The following NUP155 variants were observed in gnomAD, a reference collection of about 807,000 sequenced individuals.
The protein encoded by NUP155 is nuclear pore complex protein Nup155.
NUP155 carries 71 observed loss-of-function variants against 180.4 expected under a neutral mutation model. The ratio of observed to expected loss-of-function variants is 0.39; its 90% CI spans 0.33 to 0.48. The LOEUF (loss-of-function observed/expected upper bound fraction) is 0.48. Among genes scored for constraint, NUP155 ranks in the 20% least tolerant of loss-of-function variants. NUP155 has a pLI of 0.91. For synonymous variants in NUP155, 582 were observed against 559.5 expected, an observed-to-expected ratio of 1.04 and a Z score of -0.57; for missense variants, 1,553 against 1,648.9, an observed-to-expected ratio of 0.94 and a Z score of 1.01.
At chr5:37,366,445 ATT>A (rs1029651024) in intron 1 of NUP155, among the ~76,000 whole-genome samples, 10 of 151,908 alleles carry the variant, frequency 6.6e-5, no homozygotes, top group African/African-American at 2.4e-4. Flanking sequence ...TTATCTTTTT[ATT>A]TTTATTTTTT....
At chr5:37,323,509 T>C (rs1744381270) in intron 20 of NUP155, among the ~76,000 whole-genome samples, 1 of 151,936 alleles carries the variant, frequency 6.6e-6, no homozygotes, top group Admixed American at 6.6e-5. Context: ...TCTATAAAGA[T>C]TCCATGTATA....
chr5:37,343,130 A>G (rs1458497058), intron 9 of NUP155, among the ~76,000 whole-genome samples: 1 of 150,380 alleles, frequency 6.6e-6, no homozygotes, highest in Non-Finnish European at 1.5e-5. Context: ...GCTGGAGTGC[A>G]GTGGCGCCAT....
intron 32 of NUP155, among the ~76,000 whole-genome samples, chr5:37,295,129 C>A (rs534004748): frequency 7.9e-5 from 12 of 152,332 alleles, no homozygotes; most frequent in African/African-American, 2.9e-4. Context: ...GCTATCTCGG[C>A]TCACTGCAAC....
At chr5:37,325,793 A>G (rs1744563297) in intron 19 of NUP155, 108 bp downstream of exon 19, 7 of 702,938 alleles carry the variant, frequency 1.0e-5, no homozygotes, top group South Asian at 9.9e-5. Context: ...AAAAAAAAAT[A>G]ACCTTTGCCA....
chr5:37,321,501 G>C (rs1364359138), intron 20 of NUP155, among the ~76,000 whole-genome samples: 1 of 152,032 alleles, frequency 6.6e-6, no homozygotes, highest in Non-Finnish European at 1.5e-5. Flanking sequence ...GGCGGAGCAC[G>C]AAGTCAAGAG....
At chr5:37,339,249 C>T (rs1745554103) in intron 11 of NUP155, among the ~76,000 whole-genome samples, 1 of 144,142 alleles carries the variant, frequency 6.9e-6, no homozygotes, top group Admixed American at 7.2e-5. Flanking sequence ...GAGGTAGAGG[C>T]TGTAATGAGT....
At chr5:37,367,535 CTTT>C (rs376801237) in intron 1 of NUP155, among the ~76,000 whole-genome samples, 4 of 135,600 alleles carry the variant, frequency 2.9e-5, no homozygotes, top group Non-Finnish European at 3.2e-5. Context: ...TTTCTTTTTC[CTTT>C]TTTTTTTTTT....
Position 37,314,899 on chromosome 5 carries a change from G to A in NUP155, c.2306-571C>T, listed in dbSNP as rs1743786694. Among the ~76,000 whole-genome samples, 4 of 152,026 alleles carry A rather than the reference G, an allele frequency of 2.6e-5. No individual in the cohort carries two copies. In the South Asian group the frequency reaches 8.3e-4, roughly 32 times the overall value. On this transcript the variant is annotated intron_variant, in intron 21 of 34. Transcript: ENST00000231498. ...CCTAGGGTCCTCAGTAGGGAAGAAAGTAACTTGGGACAAAAGTAAATGGTT... is the reference window on the plus strand; with the variant it reads ...CCTAGGGTCCTCAGTAGGGAAGAAAATAACTTGGGACAAAAGTAAATGGTT...
At chr5:37,349,842 A>G (rs1746345314) in intron 7 of NUP155, among the ~76,000 whole-genome samples, 2 of 152,198 alleles carry the variant, frequency 1.3e-5, no homozygotes, top group African/African-American at 4.8e-5. Flanking sequence ...TTCTAGACCA[A>G]GCAAACAATG....
chr5:37,295,684 C>T (rs374966909), intron 32 of NUP155, among the ~76,000 whole-genome samples: 15,020 of 148,052 alleles, frequency 0.1, 748 homozygotes, highest in Admixed American at 0.14. Flanking sequence ...ATGTGGGGAG[C>T]GCCTCTGCCC....
intron 20 of NUP155, among the ~76,000 whole-genome samples, chr5:37,320,333 T>C (rs1744166434): frequency 6.6e-6 from 1 of 151,674 alleles, no homozygotes; most frequent in Non-Finnish European, 1.5e-5. Context: ...CAAAATTAGC[T>C]GGGCGTGGTG....
intron 18 of NUP155, among the ~76,000 whole-genome samples, 169 bp downstream of exon 18, chr5:37,327,460 T>TA (rs1561787358): frequency 1.3e-5 from 2 of 152,144 alleles, no homozygotes; most frequent in Non-Finnish European, 2.9e-5. Context: ...GCAATGAATA[T>TA]AGTTAGATAA....
intron 32 of NUP155, among the ~76,000 whole-genome samples, chr5:37,297,480 G>C (rs1742649251): frequency 2.6e-5 from 4 of 152,234 alleles, no homozygotes; most frequent in East Asian, 3.9e-4. Flanking sequence ...CCAGGCTCAA[G>C]TGATCCTCCC....
Position 37,302,886 on chromosome 5 carries a change from G to A in NUP155, c.3340C>T (p.Arg1114Ter), listed in dbSNP as rs772777964. The A allele has an allele frequency of 2.5e-6, 4 of 1,612,936 alleles. No individual in the cohort carries two copies. The highest frequency in any genetic ancestry group is 3.4e-6 in the Non-Finnish European group (4 of 1,179,398). Reference protein sequence around the residue: ...MHSTEISLQQRLEYIARAILS... With the variant: ...MHSTEISLQQ Reference sequence around the variant, plus strand: ...ATGGCTCGAGCAATGTACTCTAGTCGCTGCTGAAGTGAAATTTCTGTGCTA... The same window carrying A: ...ATGGCTCGAGCAATGTACTCTAGTCACTGCTGAAGTGAAATTTCTGTGCTA... Residue 1114 changes from arginine to a stop codon, truncating the protein, a stop_gained, in exon 29 of 35, where the codon CGA (arginine) becomes TGA (stop). Coordinates refer to ENST00000231498, the MANE Select transcript of NUP155 (RefSeq NM_153485.3). LOFTEE classifies it high-confidence loss of function.
At position 37,325,882 on chromosome 5, in the gene NUP155, T is replaced by C. The variant is rs1263715493; in HGVS notation, c.2091+19A>G. 20 of 1,524,696 alleles carry C rather than the reference T, an allele frequency of 1.3e-5. No homozygotes were observed. Among genetic ancestry groups the C allele is most frequent in the Non-Finnish European group, 1.7e-5 (19 of 1,102,678 alleles). The allele number at this position is 1,524,696 out of a possible 1,614,324, so 94.4% of individuals were successfully genotyped here. A position where few individuals can be genotyped will look rare whatever the true frequency, so the allele number is the denominator to read the frequency against. On this transcript the variant is annotated intron_variant, in intron 19 of 34. Transcript: ENST00000231498. ...AACTGGCTACACAAAAATAACAAAA[T>C]AATATTATACACACTTACTGCAGTG...
chr5:37,350,819 TAAAAAAAAA>T (rs57132136), intron 6 of NUP155, among the ~76,000 whole-genome samples: 1 of 100,490 alleles, frequency 1.0e-5, no homozygotes, highest in Non-Finnish European at 2.1e-5. Context: ...CCATCACATT[TAAAAAAAAA>T]AAAAAAAAAA....
chr5:37,364,196 G>A (rs1373994599), intron 2 of NUP155, 51 bp downstream of exon 2: 1 of 1,412,672 alleles, frequency 7.1e-7, no homozygotes, highest in Non-Finnish European at 9.9e-7. Flanking sequence ...TTATAAGAAT[G>A]AAAAATACCA....
chr5:37,358,953 T>C (rs191740576), intron 3 of NUP155, among the ~76,000 whole-genome samples: 14 of 148,498 alleles, frequency 9.4e-5, no homozygotes, highest in South Asian at 4.3e-4. Flanking sequence ...GGAGGCAGAG[T>C]TGCAGTGAGC....
chr5:37,297,450 C>G (rs1276349498), intron 32 of NUP155, among the ~76,000 whole-genome samples: 1 of 152,174 alleles, frequency 6.6e-6, no homozygotes, highest in African/African-American at 2.4e-5. Context: ...TCGATCTCAG[C>G]TCACTGCAGT....
Sources: allele counts gnomAD v4.1 joint callset (sites outside exome capture counted in the v4.1 genomes callset), GRCh38; gene constraint gnomAD v4.1.1; transcripts MANE v1.5; gene names NCBI Gene and HGNC (gene_info 2026-07-23, HGNC 2026-07-21).